RALYL: variants seen among roughly 807,000 people sequenced by gnomAD.
RALYL encodes the protein RNA-binding Raly-like protein.
In RALYL, 29 loss-of-function variants were observed where a neutral mutation model predicts 35.1. The ratio of observed to expected loss-of-function variants is 0.83; its 90% CI spans 0.61 to 1.13. The LOEUF (loss-of-function observed/expected upper bound fraction) is 1.13, where lower values mean the gene tolerates loss of function less well. Ranked by LOEUF, RALYL falls within the 50% of genes most tolerant of loss-of-function variation. RALYL has a pLI of 0.00. For synonymous variants in RALYL, 120 were observed against 127.6 expected (o/e 0.94, Z 0.40); for missense variants, 359 against 360.4 (o/e 1.00, Z 0.03).
At chr8:84,534,347 A>T (rs941430329) in intron 2 of RALYL, among the ~76,000 whole-genome samples, 1 of 152,216 alleles carries the variant, frequency 6.6e-6, no homozygotes, top group African/African-American at 2.4e-5. Flanking sequence ...AAATTTCAGT[A>T]CTTTAGTGAA....
At chr8:84,886,480 A>T (rs559152218) in intron 7 of RALYL, among the ~76,000 whole-genome samples, 1 of 152,278 alleles carries the variant, frequency 6.6e-6, no homozygotes, top group South Asian at 2.1e-4. Context: ...ATAAGATAAA[A>T]AATTAGGCTA....
rs187966939 is a variant in RALYL at position 84,541,563 on chromosome 8, C to T, written c.256+11986C>T. Among the ~76,000 whole-genome samples, 425 of 151,934 alleles carry T rather than the reference C, an allele frequency of 2.8e-3. 1 individual carries two copies. Among genetic ancestry groups the T allele is most frequent in the African/African-American group, 9.9e-3 (409 of 41,504 alleles). The stretch of plus-strand genomic sequence containing the variant: ...ATATTCTATTGTTGTTCTGGGTATC[C>T]TTCTTTATATGTCAAACAGGCAAAA... On this transcript the variant is annotated intron_variant, in intron 2 of 8. Transcript: ENST00000521268.
At chr8:84,228,915 A>G (rs1403934989) in intron 1 of RALYL, among the ~76,000 whole-genome samples, 1 of 152,108 alleles carries the variant, frequency 6.6e-6, no homozygotes, top group East Asian at 1.9e-4. Flanking sequence ...TGATACAATT[A>G]TCTCCACTTG....
intron 1 of RALYL, among the ~76,000 whole-genome samples, chr8:84,257,535 G>A (rs1428387365): frequency 1.3e-5 from 2 of 152,078 alleles, no homozygotes; most frequent in East Asian, 3.9e-4. Flanking sequence ...AAAGTTCATA[G>A]CAGGAAAACC....
intron 2 of RALYL, among the ~76,000 whole-genome samples, chr8:84,595,264 AAC>A (rs1352679961): frequency 6.6e-6 from 1 of 152,166 alleles, no homozygotes; most frequent in Non-Finnish European, 1.5e-5. Context: ...AGTGTCTTTG[AAC>A]ACAATTACTT....
intron 2 of RALYL, among the ~76,000 whole-genome samples, chr8:84,576,120 A>G (rs1809363565): frequency 6.6e-6 from 1 of 152,218 alleles, no homozygotes; most frequent in Admixed American, 6.5e-5. Flanking sequence ...CAAAATAAAG[A>G]ATAATCAGTG....
chr8:84,711,321 C>A (rs1842148426), intron 2 of RALYL, among the ~76,000 whole-genome samples: 1 of 152,052 alleles, frequency 6.6e-6, no homozygotes, highest in African/African-American at 2.4e-5. Context: ...AATCACTATC[C>A]ATATTTCTAA....
At chr8:84,517,564 G>T (rs2058157747) in intron 1 of RALYL, among the ~76,000 whole-genome samples, 1 of 152,166 alleles carries the variant, frequency 6.6e-6, no homozygotes, top group Non-Finnish European at 1.5e-5. Context: ...ACCAGCAAAT[G>T]CATCTGGGAA....
At chr8:84,195,400 A>G (rs1355701155) in intron 1 of RALYL, among the ~76,000 whole-genome samples, 1 of 152,090 alleles carries the variant, frequency 6.6e-6, no homozygotes, top group African/African-American at 2.4e-5. Flanking sequence ...AGATCGCACC[A>G]TTGCACTCCA....
chr8:84,408,996 T>C (rs2043837554), intron 1 of RALYL, among the ~76,000 whole-genome samples: 1 of 152,136 alleles, frequency 6.6e-6, no homozygotes, highest in Non-Finnish European at 1.5e-5. Flanking sequence ...TATAATTAAC[T>C]TTAGTCATCC....
intron 1 of RALYL, among the ~76,000 whole-genome samples, chr8:84,318,841 A>G (rs1844268803): frequency 6.6e-6 from 1 of 152,166 alleles, no homozygotes; most frequent in African/African-American, 2.4e-5. Context: ...TAGTTTCAAT[A>G]TCTGTAAAAT....
At chr8:84,688,283 G>A (rs898827034) in intron 2 of RALYL, among the ~76,000 whole-genome samples, 6 of 151,704 alleles carry the variant, frequency 4.0e-5, no homozygotes, top group Admixed American at 6.6e-5. Flanking sequence ...CAAAATAACA[G>A]GATACAAATA....
chr8:84,218,274 A>G (rs934367824), intron 1 of RALYL, among the ~76,000 whole-genome samples: 2 of 152,018 alleles, frequency 1.3e-5, no homozygotes, highest in African/African-American at 4.8e-5. Flanking sequence ...ATTGCAGAGA[A>G]ACTATCAGGG....
At chr8:84,607,861 C>A (rs1817491293) in intron 2 of RALYL, among the ~76,000 whole-genome samples, 2 of 150,444 alleles carry the variant, frequency 1.3e-5, no homozygotes, top group Admixed American at 6.6e-5. Context: ...GATAAAAATA[C>A]AATAAAAATA....
chr8:84,507,852 G>A (rs2057305425), intron 1 of RALYL, among the ~76,000 whole-genome samples: 1 of 152,140 alleles, frequency 6.6e-6, no homozygotes, highest in Non-Finnish European at 1.5e-5. Context: ...TTAGCTGAAA[G>A]ACAGTTGTAG....
intron 1 of RALYL, among the ~76,000 whole-genome samples, chr8:84,387,719 C>T (rs950353924): frequency 1.3e-5 from 2 of 151,832 alleles, no homozygotes; most frequent in Non-Finnish European, 2.9e-5. Context: ...TACCACTCAG[C>T]TCCAGCTCTC....
chr8:84,454,451 T>C (rs1412044455), intron 1 of RALYL, among the ~76,000 whole-genome samples: 1 of 152,070 alleles, frequency 6.6e-6, no homozygotes, highest in Non-Finnish European at 1.5e-5. Flanking sequence ...TCAATGAGTT[T>C]AAGTGGAGGA....
chr8:84,233,306 T>C (rs1458092079), intron 1 of RALYL, among the ~76,000 whole-genome samples: 57 of 152,300 alleles, frequency 3.7e-4, no homozygotes, highest in Non-Finnish European at 1.0e-4. Flanking sequence ...TAATGCATTT[T>C]TATATTCAGA....
At chr8:84,807,358 G>A (rs1311458355) in intron 4 of RALYL, among the ~76,000 whole-genome samples, 2 of 152,068 alleles carry the variant, frequency 1.3e-5, no homozygotes. Context: ...TTCTTTTTAT[G>A]GCTGATTAGT....
Sources: allele counts gnomAD v4.1 joint callset (sites outside exome capture counted in the v4.1 genomes callset), GRCh38; gene constraint gnomAD v4.1.1; transcripts MANE v1.5; gene names NCBI Gene and HGNC (gene_info 2026-07-23, HGNC 2026-07-21).